The following PDE4D variants were observed in gnomAD, a reference collection of about 807,000 sequenced individuals.
The protein encoded by PDE4D is phosphodiesterase 4D.
A neutral mutation model predicts 87.4 loss-of-function variants in PDE4D; 24 were observed. That is an observed-to-expected ratio of 0.27 (90% CI 0.20 to 0.39). The LOEUF (loss-of-function observed/expected upper bound fraction) is 0.39, where lower values mean the gene tolerates loss of function less well. Among genes scored for constraint, PDE4D ranks in the 10% least tolerant of loss-of-function variants. The pLI is 1.00. For synonymous variants in PDE4D, 384 were observed against 383.2 expected (o/e 1.00, Z -0.02); for missense variants, 714 against 1,041.0 (o/e 0.69, Z 4.32).
At chr5:59,879,524 CGTT>C (rs1561807171) in intron 1 of PDE4D, among the ~76,000 whole-genome samples, 3 of 152,292 alleles carry the variant, frequency 2.0e-5, no homozygotes, top group South Asian at 2.1e-4. Flanking sequence ...AGGACATTAT[CGTT>C]GTATTTCCGT....
intron 3 of PDE4D, among the ~76,000 whole-genome samples, chr5:59,968,190 G>A (rs1426635144): frequency 6.6e-6 from 1 of 151,818 alleles, no homozygotes; most frequent in African/African-American, 2.4e-5. Flanking sequence ...CTCCATGTTG[G>A]TCAGGCTGGT....
intron 1 of PDE4D, among the ~76,000 whole-genome samples, chr5:59,710,468 A>C (rs540949434): frequency 6.6e-6 from 1 of 152,330 alleles, no homozygotes; most frequent in Non-Finnish European, 1.5e-5. Context: ...GAGCATGTCT[A>C]TGGCACTCTA....
intron 1 of PDE4D, among the ~76,000 whole-genome samples, chr5:59,299,964 T>C (rs980069753): frequency 6.6e-6 from 1 of 151,906 alleles, no homozygotes; most frequent in African/African-American, 2.4e-5. Context: ...ACAAAAAAAT[T>C]AGCCAGGCGT....
rs1743521688 is a variant in PDE4D at position 58,975,627 on chromosome 5, T to C, written c.2013+30A>G. 6.8e-7 allele frequency: 1 copy of C among 1,471,680 alleles called. No homozygotes were observed. The highest frequency in any genetic ancestry group is 2.1e-5 in the Admixed American group (1 of 46,638). 91.2% of individuals were successfully genotyped at this position (1,471,680 alleles called of 1,614,324 possible). A position where few individuals can be genotyped will look rare whatever the true frequency, so the allele number is the denominator to read the frequency against. ...AAATGCTAAAGCGGTAGCTCTGTTC[T>C]CTCTGAAAGCTATACACTTCATGCA... On this transcript the variant is annotated intron_variant, in intron 14 of 14. Transcript: ENST00000340635. The surrounding 1 kb of genome is among the most constrained non-coding windows in gnomAD (Gnocchi z 4.2).
Position 60,351,969 on chromosome 5 carries a change from C to CT in PDE4D, c.-90+135972dup, listed in dbSNP as rs1019080741. Among the ~76,000 whole-genome samples, 205 of 138,680 alleles carry CT rather than the reference C, an allele frequency of 1.5e-3. 1 individual carries two copies. The highest frequency in any genetic ancestry group is 3.8e-3 in the Middle Eastern group (1 of 266). 91.0% of individuals were successfully genotyped at this position (138,680 alleles called of 152,430 possible). A position where few individuals can be genotyped will look rare whatever the true frequency, so the allele number is the denominator to read the frequency against. ...TACAGGCGTGCACCACCACACCCGG[C>CT]TTTTTTTTTTTTTTCTGTAGACATG... On this transcript the variant is annotated intron_variant, in intron 1 of 16. Transcript: ENST00000502484.
At chr5:60,197,086 T>TAGAA (rs1285995765) in intron 1 of PDE4D, among the ~76,000 whole-genome samples, 4 of 95,494 alleles carry the variant, frequency 4.2e-5, no homozygotes, top group African/African-American at 1.5e-4. Flanking sequence ...GTTAGATAGA[T>TAGAA]AGATAGATAG....
chr5:59,562,078 G>A (rs542207607), intron 1 of PDE4D, among the ~76,000 whole-genome samples: 1 of 152,224 alleles, frequency 6.6e-6, no homozygotes, highest in South Asian at 2.1e-4. Context: ...TACTGCATAT[G>A]TCAATAAATG....
In PDE4D at chr5:60,066,679, G is replaced by C. The variant is rs1360826019; in HGVS notation, c.43-77962C>G. On this transcript the variant is annotated intron_variant, in intron 2 of 16. Transcript: ENST00000502484. Reference sequence around the variant, plus strand: ...AACTGAAACAACAGTTTTTCTCTTTGATGCTTTTATTAGATGAGTCATCTC... The same window carrying C: ...AACTGAAACAACAGTTTTTCTCTTTCATGCTTTTATTAGATGAGTCATCTC... Among the ~76,000 whole-genome samples, 9 of 151,920 alleles carry C rather than the reference G, an allele frequency of 5.9e-5. No individual in the cohort carries two copies. The East Asian group carries it at 1.7e-3, about 29-fold the overall frequency.
chr5:60,178,299 A>G (rs944946201), intron 2 of PDE4D, among the ~76,000 whole-genome samples: 37 of 152,152 alleles, frequency 2.4e-4, no homozygotes, highest in Non-Finnish European at 7.4e-5. Flanking sequence ...TCAGGAAATC[A>G]AAACATGTAA....
At chr5:59,632,604 G>C (rs1831714568) in intron 1 of PDE4D, among the ~76,000 whole-genome samples, 1 of 152,204 alleles carries the variant, frequency 6.6e-6, no homozygotes, top group South Asian at 2.1e-4. Flanking sequence ...GGCAAACAGG[G>C]TGTGGAGTGG....
intron 1 of PDE4D, among the ~76,000 whole-genome samples, chr5:59,712,067 AC>A (rs1198521957): frequency 1.3e-5 from 2 of 152,066 alleles, no homozygotes; most frequent in East Asian, 3.9e-4. Flanking sequence ...TGATGCATGG[AC>A]CTGCTTTGAC....
At chr5:59,613,976 T>C (rs969209855) in intron 1 of PDE4D, among the ~76,000 whole-genome samples, 2 of 152,116 alleles carry the variant, frequency 1.3e-5, no homozygotes, top group Non-Finnish European at 2.9e-5. Flanking sequence ...AAAAAAAACT[T>C]TTTTCTTAAT....
chr5:59,969,316 A>G (rs1760432937), intron 3 of PDE4D, among the ~76,000 whole-genome samples: 1 of 152,220 alleles, frequency 6.6e-6, no homozygotes, highest in Non-Finnish European at 1.5e-5. Context: ...TATCTGAAGA[A>G]TAGATATTTT....
intron 5 of PDE4D, among the ~76,000 whole-genome samples, chr5:59,100,116 T>C (rs1176927202): frequency 6.6e-6 from 1 of 152,232 alleles, no homozygotes; most frequent in African/African-American, 2.4e-5. Context: ...ATGGTTCCAC[T>C]GATTCTCTTC....
At position 60,185,513 on chromosome 5, in the gene PDE4D, A is replaced by G. The variant is rs763348106; in HGVS notation, c.42+44T>C. On this transcript the variant is annotated intron_variant, in intron 2 of 16. Coordinates refer to the PDE4D transcript ENST00000502484. Reference sequence around the variant, plus strand: ...TCCAAAACCAAAACTAAAATGTTATATGTACATGTGTTTAGAAAATAGATG... The same window carrying G: ...TCCAAAACCAAAACTAAAATGTTATGTGTACATGTGTTTAGAAAATAGATG... 76 of 1,296,270 alleles carry G rather than the reference A, an allele frequency of 5.9e-5. No homozygotes were observed. In the East Asian group the frequency reaches 1.6e-3, roughly 28 times the overall value. 80.3% of individuals were successfully genotyped at this position (1,296,270 alleles called of 1,614,324 possible). A position where few individuals can be genotyped will look rare whatever the true frequency, so the allele number is the denominator to read the frequency against.
intron 1 of PDE4D, among the ~76,000 whole-genome samples, chr5:59,295,405 A>G (rs76488554): frequency 0.035 from 5,257 of 152,196 alleles, 311 homozygotes; most frequent in African/African-American, 0.12. Context: ...TAAAGTCAAA[A>G]GTGTGACTTT....
intron 1 of PDE4D, among the ~76,000 whole-genome samples, chr5:59,454,858 C>T (rs770785736): frequency 3.9e-4 from 60 of 152,128 alleles, no homozygotes; most frequent in Non-Finnish European, 7.8e-4. Flanking sequence ...AAAAGTGACT[C>T]TTGTTATGTT....
intron 1 of PDE4D, among the ~76,000 whole-genome samples, chr5:60,316,258 G>A (rs1294549791): frequency 6.6e-6 from 1 of 152,124 alleles, no homozygotes; most frequent in Admixed American, 6.5e-5. Flanking sequence ...TTGTGAATGG[G>A]AGTTCACTCA....
intron 1 of PDE4D, among the ~76,000 whole-genome samples, chr5:59,578,046 G>A (rs368543391): frequency 6.6e-6 from 1 of 152,206 alleles, no homozygotes; most frequent in African/African-American, 2.4e-5. Context: ...TTTTGTAAAA[G>A]CAGGTTACAT....
Sources: gnomAD v4.1 joint callset for allele counts (sites outside exome capture counted in the v4.1 genomes callset) on GRCh38, gnomAD v4.1.1 for gene constraint, Gnocchi (gnomAD v3.1) non-coding constraint, MANE v1.5 for transcripts, NCBI Gene and HGNC (gene_info 2026-07-23, HGNC 2026-07-21) for gene names.